Variants in CHST8 observed in about 807,000 individuals in gnomAD.
CHST8 encodes the protein carbohydrate sulfotransferase 8, also known as GALNAC-4-ST1.
A neutral mutation model predicts 15.0 loss-of-function variants in CHST8; 10 were observed. That is an observed-to-expected ratio of 0.67 (90% confidence interval 0.41 to 1.13). The LOEUF is 1.13. Ranked by LOEUF, CHST8 falls within the 50% of genes most tolerant of loss-of-function variation. The pLI, the probability that CHST8 is intolerant of heterozygous loss-of-function variation, is 0.00. For missense variants in CHST8, 634 were observed against 608.2 expected, an observed-to-expected ratio of 1.04 and a Z score of -0.45; for synonymous variants, 259 against 256.6, an observed-to-expected ratio of 1.01 and a Z score of -0.09.
chr19:33,640,094 G>A (rs1972262366), intron 1 of CHST8, among the ~76,000 whole-genome samples: 2 of 151,994 alleles, frequency 1.3e-5, no homozygotes, highest in South Asian at 4.1e-4. Flanking sequence ...CGCCCACCTC[G>A]GCTTCCCAAA....
chr19:33,636,007 C>A (rs1972192367), intron 1 of CHST8, among the ~76,000 whole-genome samples: 1 of 146,084 alleles, frequency 6.8e-6, no homozygotes, highest in African/African-American at 2.5e-5. Flanking sequence ...TTGGGAAAAA[C>A]AACACTTTTT....
At chr19:33,693,582 T>A (rs1174702748) in intron 3 of CHST8, among the ~76,000 whole-genome samples, 1 of 152,220 alleles carries the variant, frequency 6.6e-6, no homozygotes, top group Non-Finnish European at 1.5e-5. Context: ...TCTGTATTCT[T>A]CTCTCACTAT....
chr19:33,742,421 A>AT (rs1246033118), intron 3 of CHST8, among the ~76,000 whole-genome samples: 1 of 152,198 alleles, frequency 6.6e-6, no homozygotes, highest in African/African-American at 2.4e-5. Flanking sequence ...GGTAGCAGGC[A>AT]TGTCACATAG....
intron 1 of CHST8, among the ~76,000 whole-genome samples, chr19:33,662,876 C>T (rs1972604653): frequency 6.6e-6 from 1 of 152,172 alleles, no homozygotes; most frequent in Non-Finnish European, 1.5e-5. Context: ...TTGCAAGGGC[C>T]AGATCCACAT....
intron 3 of CHST8, among the ~76,000 whole-genome samples, chr19:33,748,644 C>G (rs1241099828): frequency 6.6e-6 from 1 of 152,284 alleles, no homozygotes; most frequent in East Asian, 1.9e-4. Context: ...AGCCCACAGG[C>G]CCGGCTGCTC....
chr19:33,772,690 G>C lies in CHST8; in HGVS notation c.902G>C (p.Arg301Pro), dbSNP rs768263105. ...YRANASREALRTGSGVRFPEF... is the reference protein window; with the variant it reads ...YRANASREALPTGSGVRFPEF... ...GCCAATGCCTCTCGGGAGGCCCTGC[G>C]GACCGGCTCTGGGGTGCGTTTTCCC... is the stretch of plus-strand genomic sequence containing the variant. The change falls in exon 5 of 5, where the codon CGG (arginine) becomes CCG (proline). Residue 301 changes from arginine to proline, a missense_variant. Coordinates refer to ENST00000650847, the MANE Select transcript of CHST8 (RefSeq NM_001127895.2). 11 of 1,613,500 alleles carry C rather than the reference G, an allele frequency of 6.8e-6. No homozygotes were observed. Among genetic ancestry groups the C allele is most frequent in the Non-Finnish European group, 8.5e-6 (10 of 1,180,042 alleles).
At position 33,733,432 on chromosome 19, in the gene CHST8, A is replaced by C. The variant is rs189950978; in HGVS notation, c.131-37981A>C. Among the ~76,000 whole-genome samples the C allele has an allele frequency of 7.9e-5, 12 of 152,164 alleles. No homozygotes were observed. The East Asian group carries it at 2.3e-3, about 30-fold the overall frequency. ...GTACTTTTAGTAGAGATGGGGTTTC[A>C]TCATGTTGGCCAAGCTGGTCTTGAA... On this transcript the variant is annotated intron_variant, in intron 3 of 4. Coordinates refer to ENST00000650847, the MANE Select transcript of CHST8 (RefSeq NM_001127895.2).
intron 1 of CHST8, among the ~76,000 whole-genome samples, chr19:33,664,649 A>T (rs534159280): frequency 2.6e-5 from 4 of 152,050 alleles, no homozygotes; most frequent in South Asian, 4.2e-4. Context: ...CAGATGATTT[A>T]AAAAAAATTA....
chr19:33,738,062 C>G (rs1805503920), intron 3 of CHST8, among the ~76,000 whole-genome samples: 1 of 152,160 alleles, frequency 6.6e-6, no homozygotes, highest in Non-Finnish European at 1.5e-5. Flanking sequence ...ACCCTTTTCC[C>G]ATTCTTGATG....
chr19:33,753,420 TC>T (rs1974461104), intron 3 of CHST8, among the ~76,000 whole-genome samples: 1 of 25,286 alleles, frequency 4.0e-5, no homozygotes, highest in Non-Finnish European at 7.3e-5. Flanking sequence ...CCCACCTTCC[TC>T]CCACCACCCA....
intron 1 of CHST8, among the ~76,000 whole-genome samples, chr19:33,627,331 C>T (rs556878567): frequency 1.9e-4 from 28 of 151,186 alleles, no homozygotes; most frequent in African/African-American, 3.4e-4. Context: ...TGGCTGGTCT[C>T]GAACTCCTGA....
intron 2 of CHST8, among the ~76,000 whole-genome samples, chr19:33,680,029 A>G (rs1485788086): frequency 6.6e-6 from 1 of 152,182 alleles, no homozygotes; most frequent in African/African-American, 2.4e-5. Flanking sequence ...CCCACCATCA[A>G]GGCCTACATC....
chr19:33,728,179 T>A (rs1973937113), intron 3 of CHST8, among the ~76,000 whole-genome samples: 1 of 152,280 alleles, frequency 6.6e-6, no homozygotes, highest in African/African-American at 2.4e-5. Flanking sequence ...ACTCAGTTAC[T>A]CTTTCATGTA....
At chr19:33,629,667 C>T (rs931930539) in intron 1 of CHST8, among the ~76,000 whole-genome samples, 8 of 152,374 alleles carry the variant, frequency 5.3e-5, no homozygotes, top group African/African-American at 1.4e-4. Flanking sequence ...GAGTGGCCAC[C>T]GAGCTGCAGG....
chr19:33,722,949 A>G (rs185630822), intron 3 of CHST8, among the ~76,000 whole-genome samples: 4 of 152,334 alleles, frequency 2.6e-5, no homozygotes, highest in South Asian at 2.1e-4. Context: ...GTGACAGCTA[A>G]TCATTTTTCA....
intron 1 of CHST8, among the ~76,000 whole-genome samples, chr19:33,661,820 C>T (rs2145222437): frequency 7.0e-6 from 1 of 141,920 alleles, no homozygotes; most frequent in Non-Finnish European, 1.5e-5. Context: ...CACTTGAGGC[C>T]AGGAGTTCGA....
intron 3 of CHST8, among the ~76,000 whole-genome samples, chr19:33,745,979 T>G (rs983551145): frequency 1.1e-4 from 16 of 152,236 alleles, no homozygotes. Context: ...TAAGGTTTAC[T>G]TGACTGGGGC....
intron 3 of CHST8, among the ~76,000 whole-genome samples, chr19:33,757,727 T>C: frequency 6.6e-6 from 1 of 151,798 alleles, no homozygotes; most frequent in East Asian, 1.9e-4. Context: ...TGGTGTCTTT[T>C]TTTAAGAGAT....
intron 1 of CHST8, among the ~76,000 whole-genome samples, chr19:33,653,199 T>G (rs1972471494): frequency 6.6e-6 from 1 of 152,196 alleles, no homozygotes; most frequent in Non-Finnish European, 1.5e-5. Flanking sequence ...TAAACTCTCT[T>G]GGACATTGTT....
Sources: gnomAD v4.1 joint callset for allele counts (sites outside exome capture counted in the v4.1 genomes callset) on GRCh38, gnomAD v4.1.1 for gene constraint, MANE v1.5 for transcripts, NCBI Gene and HGNC (gene_info 2026-07-23, HGNC 2026-07-21) for gene names.